Variants in DNAJB14 observed in about 807,000 individuals in gnomAD.
DNAJB14 encodes DnaJ heat shock protein family (Hsp40) member B14.
Under a neutral mutation model 48.4 loss-of-function variants are expected in DNAJB14, and 22 were observed. The observed-to-expected ratio is 0.45, with a 90% CI of 0.32 to 0.65. DNAJB14 has a LOEUF of 0.65. Among genes scored for constraint, DNAJB14 ranks in the 30% least tolerant of loss-of-function variants. DNAJB14 has a pLI of 0.03. For missense variants in DNAJB14, 319 were observed against 458.8 expected, an observed-to-expected ratio of 0.70 and a Z score of 2.78; for synonymous variants, 142 against 158.7, an observed-to-expected ratio of 0.89 and a Z score of 0.79.
chr4:99,908,910 G>A lies in DNAJB14; in HGVS notation c.452-14C>T. The A allele has an allele frequency of 2.0e-6, 3 of 1,507,448 alleles. No individual in the cohort carries two copies. Among genetic ancestry groups the A allele is most frequent in the Non-Finnish European group, 2.7e-6 (3 of 1,130,590 alleles). 93.4% of individuals were successfully genotyped at this position (1,507,448 alleles called of 1,614,324 possible). On this transcript the variant is annotated splice_polypyrimidine_tract_variant and intron_variant, in intron 3 of 7. Transcript: ENST00000442697. ...CATTTCCAATCTCTGAAAAAGTAAT[G>A]AGTAAAAGTTGGTAAGCAAAGTTTT... is the stretch of plus-strand genomic sequence containing the variant.
At chr4:99,920,326 G>A (rs1726009316) in intron 3 of DNAJB14, among the ~76,000 whole-genome samples, 1 of 152,058 alleles carries the variant, frequency 6.6e-6, no homozygotes, top group African/African-American at 2.4e-5. Context: ...TAAACTCTTT[G>A]TTCTTAGAGA....
In DNAJB14 at chr4:99,930,506, A is replaced by G; in HGVS notation, c.249T>C (p.Ser83=). 1 of 1,611,908 alleles carries G rather than the reference A, an allele frequency of 6.2e-7. No homozygotes were observed. Among genetic ancestry groups the G allele is most frequent in the Non-Finnish European group, 8.5e-7 (1 of 1,178,822 alleles). Residue 83 remains serine (S), a synonymous_variant, in exon 2 of 8, where the codon TCT becomes TCC. Coordinates refer to ENST00000442697, the MANE Select transcript of DNAJB14 (RefSeq NM_001031723.4). The stretch of plus-strand genomic sequence containing the variant: ...AGCCTTTTCCACCTTCACCACTACC[A>G]GATGTGCTGTCCTTTGTGCAATTAG... ...SKPNCTKDST[S]GSGEGGKGYT... is the part of the protein sequence containing the mutation.
At chr4:99,933,654 G>A (rs755412111) in intron 1 of DNAJB14, among the ~76,000 whole-genome samples, 1 of 152,102 alleles carries the variant, frequency 6.6e-6, no homozygotes, top group Non-Finnish European at 1.5e-5. Flanking sequence ...AAACCAGCAT[G>A]GTCTAAGGGA....
intron 3 of DNAJB14, among the ~76,000 whole-genome samples, chr4:99,920,556 G>GA (rs992913251): frequency 1.3e-5 from 2 of 151,878 alleles, no homozygotes; most frequent in African/African-American, 4.8e-5. Context: ...ATCTACATCA[G>GA]AAAAAAGGAA....
Position 99,911,768 on chromosome 4 carries a change from C to T in DNAJB14, c.452-2872G>A, listed in dbSNP as rs375948849. ...ATTTTACTTTTGAGTGTTTGGAGTTCTTTATATTTAATATATTCAAGATAC... is the reference window on the plus strand; with the variant it reads ...ATTTTACTTTTGAGTGTTTGGAGTTTTTTATATTTAATATATTCAAGATAC... On this transcript the variant is annotated intron_variant, in intron 3 of 7. Coordinates refer to ENST00000442697, the MANE Select transcript of DNAJB14 (RefSeq NM_001031723.4). Among the ~76,000 whole-genome samples the T allele has an allele frequency of 2.1e-4, 32 of 152,112 alleles. No individual in the cohort carries two copies. The East Asian group carries it at 5.4e-3, about 26-fold the overall frequency.
chr4:99,936,620 A>G (rs1428697311), intron 1 of DNAJB14, among the ~76,000 whole-genome samples: 1 of 152,230 alleles, frequency 6.6e-6, no homozygotes, highest in Non-Finnish European at 1.5e-5. Flanking sequence ...TTCTTGGAGA[A>G]CTAGCTGATT....
intron 1 of DNAJB14, among the ~76,000 whole-genome samples, chr4:99,934,375 C>T (rs538661306): frequency 2.0e-4 from 31 of 152,054 alleles, no homozygotes; most frequent in Middle Eastern, 3.4e-3. Flanking sequence ...CCTCTGAAGA[C>T]GATAAATACA....
rs1167945149 is a variant in DNAJB14 at position 99,934,789 on chromosome 4, CAAAAAAAAAAAAAA to C, written c.134-4182_134-4169del. 1.8e-3 allele frequency among the ~76,000 whole-genome samples: 12 copies of C among 6,776 alleles called. 1 individual carries two copies. The highest frequency in any genetic ancestry group is 0.012 in the Admixed American group (4 of 334). The allele number at this position is 6,776 out of a possible 152,430, so 4.4% of individuals were successfully genotyped here. A position where few individuals can be genotyped will look rare whatever the true frequency, so the allele number is the denominator to read the frequency against. On this transcript the variant is annotated intron_variant, in intron 1 of 7. Transcript: ENST00000442697. ...CCTGGGTGACAGAGCAAGACTGTCTCAAAAAAAAAAAAAAAAAAAAAAAAAAAAAAGAAAAGAAA... is the reference window on the plus strand; with the variant it reads ...CCTGGGTGACAGAGCAAGACTGTCTCAAAAAAAAAAAAAAAAGAAAAGAAA...
chr4:99,907,543 T>C (rs1725510857), intron 4 of DNAJB14, among the ~76,000 whole-genome samples: 1 of 152,088 alleles, frequency 6.6e-6, no homozygotes, highest in East Asian at 1.9e-4. Context: ...GCCAGACATG[T>C]GGTACATGTC....
intron 1 of DNAJB14, among the ~76,000 whole-genome samples, chr4:99,936,815 G>C (rs1046849581): frequency 5.9e-5 from 9 of 152,186 alleles, no homozygotes; most frequent in Non-Finnish European, 1.5e-5. Flanking sequence ...CCATGAATCT[G>C]TAACAGATAA....
At chr4:99,906,659 G>GA (rs1553945788) in intron 4 of DNAJB14, 48 bp from the exon 5 acceptor site, 3 of 1,415,012 alleles carry the variant, frequency 2.1e-6, no homozygotes, top group Non-Finnish European at 2.9e-6. Flanking sequence ...ATTATGATCA[G>GA]AAAAAATACA....
At chr4:99,907,075 C>G (rs1725493108) in intron 4 of DNAJB14, among the ~76,000 whole-genome samples, 1 of 152,136 alleles carries the variant, frequency 6.6e-6, no homozygotes, top group South Asian at 2.1e-4. Flanking sequence ...TATTCAAACA[C>G]TCTCTTGCTG....
At chr4:99,921,680 T>C (rs1185120840) in intron 3 of DNAJB14, among the ~76,000 whole-genome samples, 5 of 152,158 alleles carry the variant, frequency 3.3e-5, no homozygotes, top group African/African-American at 1.2e-4. Context: ...CACTTTTAGC[T>C]TTTGGGGGAA....
At position 99,906,547 on chromosome 4, in the gene DNAJB14, A is replaced by T; in HGVS notation, c.702T>A (p.Ser234Arg). The change falls in exon 5 of 8, where the codon AGT (serine) becomes AGA (arginine). Residue 234 changes from serine to arginine, a missense_variant. By Grantham distance (110) the Ser-to-Arg change is moderately radical. This residue lies in a region of DNAJB14 where 166 missense variants were observed against 236.3 expected (regional missense o/e 0.70). Transcript: ENST00000442697. ...CTCTTTCCTCTTCTCTTTCATGTCC[A>T]CTATGTCGATGCTGATGTTGTTGGC... Reference protein sequence around the residue: ...GYSQQHQHRHSGHEREEERGD... With the variant: ...GYSQQHQHRHRGHEREEERGD... 4 of 1,611,458 alleles carry T rather than the reference A, an allele frequency of 2.5e-6. No individual in the cohort carries two copies. Among genetic ancestry groups the T allele is most frequent in the Non-Finnish European group, 3.4e-6 (4 of 1,179,604 alleles).
intron 3 of DNAJB14, among the ~76,000 whole-genome samples, chr4:99,918,159 C>T (rs1725924458): frequency 6.6e-6 from 1 of 152,122 alleles, no homozygotes; most frequent in South Asian, 2.1e-4. Flanking sequence ...TGTCCTTTTT[C>T]ATCTTAGCTT....
At chr4:99,927,165 A>G (rs1404556272) in intron 2 of DNAJB14, 2 of 152,178 alleles carry the variant, frequency 1.3e-5, no homozygotes, top group Non-Finnish European at 1.5e-5. Flanking sequence ...ATAATGTACA[A>G]CAAGGCCAAA....
Position 99,906,226 on chromosome 4 carries a change from ATTC to A in DNAJB14, c.732+288_732+290del. The A allele has an allele frequency of 3.7e-6, 5 of 1,353,130 alleles. No individual in the cohort carries two copies. In the South Asian group the frequency reaches 6.5e-5, roughly 18 times the overall value. The allele number at this position is 1,353,130 out of a possible 1,614,324, so 83.8% of individuals were successfully genotyped here. On this transcript the variant is annotated intron_variant, in intron 5 of 7. Transcript: ENST00000442697. Reference sequence around the variant, plus strand: ...CAATTCAAGTTTTTCAGTACTCTAAATTCTTCAGGGCCAACAATAACAAGTTAC... The same window carrying A: ...CAATTCAAGTTTTTCAGTACTCTAAATTCAGGGCCAACAATAACAAGTTAC...
chr4:99,904,277 T>C (rs1725391169), intron 6 of DNAJB14, among the ~76,000 whole-genome samples: 1 of 152,200 alleles, frequency 6.6e-6, no homozygotes. Context: ...ATTTTTTCAC[T>C]GTTAAATACT....
intron 3 of DNAJB14, among the ~76,000 whole-genome samples, chr4:99,913,736 T>C (rs974387407): frequency 1.3e-5 from 2 of 152,198 alleles, no homozygotes; most frequent in African/African-American, 4.8e-5. Flanking sequence ...GAAGAGATTA[T>C]GTAGAATTAG....
Sources: gnomAD v4.1 joint callset for allele counts (sites outside exome capture counted in the v4.1 genomes callset) on GRCh38, gnomAD v4.1.1 for gene constraint, gnomAD v4.1.1 regional missense constraint, MANE v1.5 for transcripts, NCBI Gene and HGNC (gene_info 2026-07-23, HGNC 2026-07-21) for gene names.